MEGF10: variants seen among roughly 807,000 people sequenced by gnomAD.
MEGF10 encodes the protein multiple epidermal growth factor-like domains protein 10.
A neutral mutation model predicts 147.5 loss-of-function variants in MEGF10; 86 were observed. That is an observed-to-expected ratio of 0.58 (90% confidence interval 0.49 to 0.70). The LOEUF (loss-of-function observed/expected upper bound fraction) is 0.70, where lower values mean the gene tolerates loss of function less well. MEGF10 is among the 30% of genes least tolerant of loss of function. The pLI, the probability that MEGF10 is intolerant of heterozygous loss-of-function variation, is 0.00. For synonymous variants in MEGF10, 478 were observed against 525.5 expected, an observed-to-expected ratio of 0.91 and a Z score of 1.24; for missense variants, 1,329 against 1,487.3, an observed-to-expected ratio of 0.89 and a Z score of 1.75.
At chr5:127,378,743 G>A (rs979620622) in intron 5 of MEGF10, among the ~76,000 whole-genome samples, 2 of 152,122 alleles carry the variant, frequency 1.3e-5, no homozygotes, top group East Asian at 1.9e-4. Flanking sequence ...ATGGGCCACC[G>A]TGCCCCGCCC....
At chr5:127,358,280 A>T (rs1169648276) in intron 4 of MEGF10, among the ~76,000 whole-genome samples, 1 of 152,170 alleles carries the variant, frequency 6.6e-6, no homozygotes, top group African/African-American at 2.4e-5. Context: ...AGGGACCACC[A>T]CTAAGGAGGG....
chr5:127,447,728 G>A, intron 21 of MEGF10, 44 bp downstream of exon 21: 5 of 1,612,008 alleles, frequency 3.1e-6, no homozygotes, highest in Non-Finnish European at 4.2e-6. Context: ...GCTGGGGAGA[G>A]AGGAAGGGAA....
intron 5 of MEGF10, among the ~76,000 whole-genome samples, chr5:127,387,864 T>C (rs1172005979): frequency 1.3e-5 from 2 of 152,208 alleles, no homozygotes; most frequent in Non-Finnish European, 2.9e-5. Context: ...CTCCACTCTC[T>C]GTTTCGTGTC....
chr5:127,395,295 G>A (rs17604777), intron 5 of MEGF10, among the ~76,000 whole-genome samples: 16,040 of 151,782 alleles, frequency 0.11, 944 homozygotes, highest in Non-Finnish European at 0.14. Flanking sequence ...TATTGCAGCC[G>A]CTCTTTCTTT....
At chr5:127,341,572 T>G (rs944837224) in intron 4 of MEGF10, among the ~76,000 whole-genome samples, 4 of 152,152 alleles carry the variant, frequency 2.6e-5, no homozygotes, top group African/African-American at 9.7e-5. Context: ...GGGCTTGGAA[T>G]AGTACATATC....
intron 4 of MEGF10, among the ~76,000 whole-genome samples, chr5:127,346,878 A>G (rs1761914328): frequency 6.6e-6 from 1 of 152,178 alleles, no homozygotes. Context: ...TTTCACATCC[A>G]TAATGAGATA....
intron 2 of MEGF10, among the ~76,000 whole-genome samples, chr5:127,333,501 A>C (rs571142740): frequency 7.5e-4 from 108 of 143,482 alleles, no homozygotes; most frequent in Non-Finnish European, 1.1e-3. Context: ...GACAGAGCGG[A>C]CCCTGCCTCA....
intron 17 of MEGF10, 53 bp from the exon 18 acceptor site, chr5:127,440,686 A>G: frequency 6.3e-7 from 1 of 1,597,316 alleles, no homozygotes; most frequent in Non-Finnish European, 8.5e-7. Context: ...CGAGCCTCCA[A>G]GTGTTTCTCT....
In MEGF10 at chr5:127,460,893, T is replaced by A. The variant is rs2898043; in HGVS notation, c.*3575T>A. ...AAGTGTGAATTACGTGGTATGGATG[T>A]TTGCTTGTTTATTAACTAAAGATGT... On this transcript the variant is annotated 3_prime_UTR_variant, in exon 25 of 25. Transcript: ENST00000503335. The A allele has an allele frequency of 5.3e-5, 8 of 151,926 alleles. No homozygotes were observed. Among genetic ancestry groups the A allele is most frequent in the African/African-American group, 1.7e-4 (7 of 41,344 alleles). The allele number at this position is 151,926 out of a possible 1,614,324, so 9.4% of individuals were successfully genotyped here.
At chr5:127,355,892 A>T (rs1361185603) in intron 4 of MEGF10, among the ~76,000 whole-genome samples, 1 of 152,042 alleles carries the variant, frequency 6.6e-6, no homozygotes, top group Admixed American at 6.6e-5. Context: ...AGTCCCATGG[A>T]GACAGGGTCA....
chr5:127,281,590 C>T, the MEGF10 span, among the ~76,000 whole-genome samples: 3 of 152,224 alleles, frequency 2.0e-5, no homozygotes, highest in African/African-American at 2.4e-5. Flanking sequence ...CTCTGCTTCC[C>T]GCTCTTCCTT....
intron 17 of MEGF10, among the ~76,000 whole-genome samples, chr5:127,439,860 C>T (rs780161182): frequency 7.9e-5 from 12 of 152,256 alleles, no homozygotes; most frequent in South Asian, 2.1e-4. Flanking sequence ...AACAAGAGAA[C>T]GCATGAAAAG....
chr5:127,352,209 G>GT (rs2126822282), intron 4 of MEGF10, among the ~76,000 whole-genome samples: 1 of 152,248 alleles, frequency 6.6e-6, no homozygotes, highest in African/African-American at 2.4e-5. Context: ...CAGACAGGTT[G>GT]TAACAACTTA....
intron 1 of MEGF10, among the ~76,000 whole-genome samples, chr5:127,299,656 A>C (rs1350398286): frequency 1.3e-5 from 2 of 152,114 alleles, no homozygotes; most frequent in Non-Finnish European, 2.9e-5. Context: ...TCATTCATTC[A>C]GCCTTTGCCT....
At chr5:127,305,434 G>A (rs1282578517) in intron 1 of MEGF10, among the ~76,000 whole-genome samples, 2 of 152,158 alleles carry the variant, frequency 1.3e-5, no homozygotes, top group Non-Finnish European at 2.9e-5. Flanking sequence ...TAGCCTAGGA[G>A]ACATGTGAGG....
At chr5:127,379,472 T>G (rs1763169228) in intron 5 of MEGF10, among the ~76,000 whole-genome samples, 1 of 152,184 alleles carries the variant, frequency 6.6e-6, no homozygotes, top group South Asian at 2.1e-4. Context: ...TTTCAGGATA[T>G]CACACTGCTC....
chr5:127,426,685 G>T (rs1486407808), intron 13 of MEGF10, among the ~76,000 whole-genome samples: 2 of 152,168 alleles, frequency 1.3e-5, no homozygotes, highest in Admixed American at 6.5e-5. Flanking sequence ...GTATACTTAT[G>T]TATGTGTGTT....
the MEGF10 span, among the ~76,000 whole-genome samples, chr5:127,246,577 C>G: frequency 6.7e-6 from 1 of 150,310 alleles, no homozygotes; most frequent in Non-Finnish European, 1.5e-5. Flanking sequence ...ACATTCTGCA[C>G]GTGTATCCCA....
intron 12 of MEGF10, among the ~76,000 whole-genome samples, chr5:127,422,070 T>A (rs999710226): frequency 6.6e-6 from 1 of 151,294 alleles, no homozygotes; most frequent in Non-Finnish European, 1.5e-5. Context: ...TTTTATAATT[T>A]AAAAAATTTT....
Sources: gnomAD v4.1 joint callset for allele counts (sites outside exome capture counted in the v4.1 genomes callset) on GRCh38, gnomAD v4.1.1 for gene constraint, MANE v1.5 for transcripts, NCBI Gene and HGNC (gene_info 2026-07-23, HGNC 2026-07-21) for gene names.